The following NSD3 variants were observed in gnomAD, a reference collection of about 807,000 sequenced individuals.
NSD3 encodes nuclear receptor binding SET domain protein 3.
A neutral mutation model predicts 160.8 loss-of-function variants in NSD3; 24 were observed. The ratio of observed to expected loss-of-function variants is 0.15; its 90% CI spans 0.11 to 0.21. The LOEUF (loss-of-function observed/expected upper bound fraction) is 0.21. Ranked by LOEUF, NSD3 falls within the 10% of genes least tolerant of loss-of-function variation. The pLI, the probability that NSD3 is intolerant of heterozygous loss-of-function variation, is 1.00. For synonymous variants in NSD3, 520 were observed against 600.0 expected (o/e 0.87, Z 1.95); for missense variants, 1,157 against 1,735.9 (o/e 0.67, Z 5.93).
intron 1 of NSD3, among the ~76,000 whole-genome samples, chr8:38,351,850 A>G (rs1810710185): frequency 1.3e-5 from 2 of 151,434 alleles, no homozygotes; most frequent in African/African-American, 4.9e-5. Context: ...GAAGGGGAAC[A>G]TCACACACCG....
At chr8:38,359,607 T>G (rs1228750267) in intron 1 of NSD3, among the ~76,000 whole-genome samples, 1 of 152,204 alleles carries the variant, frequency 6.6e-6, no homozygotes, top group African/African-American at 2.4e-5. Flanking sequence ...ATGTTTGTCT[T>G]TTATTCACTG....
At chr8:38,299,687 C>T in intron 14 of NSD3, 97 bp from the exon 15 acceptor site, 1 of 1,253,816 alleles carries the variant, frequency 8.0e-7, no homozygotes, top group Non-Finnish European at 1.0e-6. Flanking sequence ...TGCTTCAAAG[C>T]TGGGGTGGGG....
In NSD3 at chr8:38,274,207, G is replaced by A. The variant is rs989165303; in HGVS notation, c.*1434C>T. On this transcript the variant is annotated 3_prime_UTR_variant, in exon 24 of 24. Transcript: ENST00000317025. ...CTACTTAGTACAGTGTTACAACAAT[G>A]TCTGACATTACTAATTATTTTCATA... 1 of 152,190 alleles carries A rather than the reference G, an allele frequency of 6.6e-6. No individual in the cohort carries two copies. The highest frequency in any genetic ancestry group is 1.5e-5 in the Non-Finnish European group (1 of 68,026). The allele number at this position is 152,190 out of a possible 1,614,324, so 9.4% of individuals were successfully genotyped here. A position where few individuals can be genotyped will look rare whatever the true frequency, so the allele number is the denominator to read the frequency against.
intron 2 of NSD3, 140 bp downstream of exon 2, chr8:38,347,354 TATA>T: frequency 2.4e-6 from 2 of 818,202 alleles, no homozygotes; most frequent in Non-Finnish European, 1.9e-6. Context: ...CAGCACCTAT[TATA>T]ATATTCTGAG....
intron 12 of NSD3, among the ~76,000 whole-genome samples, chr8:38,313,548 G>A (rs1809584157): frequency 6.6e-6 from 1 of 152,044 alleles, no homozygotes; most frequent in African/African-American, 2.4e-5. Context: ...AAATTACTTG[G>A]GAGGCCAAGG....
At chr8:38,289,538 C>A (rs966813982) in intron 17 of NSD3, 33 bp from the exon 18 acceptor site, 7 of 1,584,546 alleles carry the variant, frequency 4.4e-6, no homozygotes, top group South Asian at 1.1e-5. Context: ...TATGTAAATA[C>A]CAAAAACCAA....
intron 2 of NSD3, among the ~76,000 whole-genome samples, chr8:38,342,183 A>G (rs1056945394): frequency 7.4e-4 from 112 of 152,120 alleles, no homozygotes; most frequent in Admixed American, 2.3e-3. Context: ...TATATAAGTA[A>G]GAGAAGAAAA....
chr8:38,327,711 T>C (rs181357769), intron 6 of NSD3, among the ~76,000 whole-genome samples: 15 of 152,212 alleles, frequency 9.9e-5, no homozygotes, highest in Non-Finnish European at 1.5e-5. Context: ...AAGTGCTCTA[T>C]TACACAGAAA....
chr8:38,381,747 CACACACACACACACACACACACACACAT>C (rs918040734), intron 1 of NSD3, 24 bp downstream of exon 1: 4 of 31,448 alleles, frequency 1.3e-4, no homozygotes, highest in African/African-American at 2.5e-4. Context: ...CGCGCGCGCG[CACACACACACACACACACACACACACAT>C]ACACACACGC....
intron 4 of NSD3, among the ~76,000 whole-genome samples, chr8:38,334,313 C>T (rs1161813854): frequency 2.0e-5 from 3 of 152,172 alleles, no homozygotes; most frequent in East Asian, 3.8e-4. Flanking sequence ...AAAGTAGTTA[C>T]TGGCTGCTTA....
At chr8:38,291,447 G>C (rs1808995866) in intron 16 of NSD3, among the ~76,000 whole-genome samples, 1 of 152,064 alleles carries the variant, frequency 6.6e-6, no homozygotes, top group Admixed American at 6.6e-5. Context: ...TAAATTTTTT[G>C]AATCTCTTAT....
intron 1 of NSD3, among the ~76,000 whole-genome samples, chr8:38,360,799 G>T (rs1810941705): frequency 6.6e-6 from 1 of 151,936 alleles, no homozygotes; most frequent in African/African-American, 2.4e-5. Context: ...ATATTTTCAT[G>T]TAATTTTACT....
intron 1 of NSD3, among the ~76,000 whole-genome samples, chr8:38,361,853 GGA>G (rs1810975925): frequency 6.6e-6 from 1 of 151,910 alleles, no homozygotes; most frequent in Non-Finnish European, 1.5e-5. Context: ...GTGACGACGG[GGA>G]GAGAGGATGC....
At chr8:38,278,496 A>G (rs1420767542) in intron 21 of NSD3, 84 bp from the exon 22 acceptor site, 1 of 1,170,108 alleles carries the variant, frequency 8.5e-7, no homozygotes, top group Non-Finnish European at 1.2e-6. Flanking sequence ...TAATGAAAAA[A>G]AGAGACATCA....
chr8:38,273,904 TG>T lies in NSD3; in HGVS notation c.*1736del, dbSNP rs1425726159. ...AGGAGCTTCAGTAAAAGAATTGTAG[TG>T]TTTTTTACAAGAGAAAATCCAGTAT... On this transcript the variant is annotated 3_prime_UTR_variant, in exon 24 of 24. Transcript: ENST00000317025. 2.0e-5 allele frequency: 3 copies of T among 152,200 alleles called. No homozygotes were observed. Among genetic ancestry groups the T allele is most frequent in the Admixed American group, 2.0e-4 (3 of 15,284 alleles). The allele number at this position is 152,200 out of a possible 1,614,324, so 9.4% of individuals were successfully genotyped here.
intron 1 of NSD3, among the ~76,000 whole-genome samples, chr8:38,375,650 ATATAAG>A (rs905503152): frequency 3.3e-5 from 5 of 152,104 alleles, no homozygotes; most frequent in South Asian, 2.1e-4. Flanking sequence ...TAATATAACA[ATATAAG>A]TATAATTATT....
rs551769933 is a variant in NSD3, at chr8:38,304,726, A to G, written c.2472T>C (p.Val824=). The change falls in exon 14 of 24, where the codon GTT becomes GTC. Residue 824 remains valine, a synonymous_variant. Transcript: ENST00000317025. The part of the protein sequence containing the change: ...GRMMRCLRCP[V]AYHSGDACIA... ...TGCAAGCATCTCCAGAGTGATAGGCAACTGGACATCTTAAACATCTCATCA... is the reference window on the plus strand; with the variant it reads ...TGCAAGCATCTCCAGAGTGATAGGCGACTGGACATCTTAAACATCTCATCA... 6.8e-6 allele frequency: 11 copies of G among 1,612,722 alleles called. No individual in the cohort carries two copies. Among genetic ancestry groups the G allele is most frequent in the Non-Finnish European group, 9.3e-6 (11 of 1,179,596 alleles).
intron 16 of NSD3, 114 bp from the exon 17 acceptor site, chr8:38,290,791 T>G: frequency 2.1e-6 from 2 of 933,954 alleles, no homozygotes; most frequent in Non-Finnish European, 1.6e-6. Flanking sequence ...TCATTCAGAT[T>G]CTAAGAACAT....
At chr8:38,351,803 T>C (rs1306240145) in intron 1 of NSD3, among the ~76,000 whole-genome samples, 1 of 150,528 alleles carries the variant, frequency 6.6e-6, no homozygotes, top group African/African-American at 2.5e-5. Context: ...TTCTCACTCA[T>C]AGGCGGGAAT....
Sources: gnomAD v4.1 joint callset for allele counts (sites outside exome capture counted in the v4.1 genomes callset) on GRCh38, gnomAD v4.1.1 for gene constraint, MANE v1.5 for transcripts, NCBI Gene and HGNC (gene_info 2026-07-23, HGNC 2026-07-21) for gene names.